HIVEP3: variants seen among roughly 807,000 people sequenced by gnomAD.
The protein encoded by HIVEP3 is HIVEP zinc finger 3, also known as transcription factor HIVEP3.
In HIVEP3, 49 loss-of-function variants were observed where a neutral mutation model predicts 152.8. That is an observed-to-expected ratio of 0.32 (90% CI 0.26 to 0.41). The LOEUF (loss-of-function observed/expected upper bound fraction) is 0.41, where lower values mean the gene tolerates loss of function less well. Among genes scored for constraint, HIVEP3 ranks in the 10% least tolerant of loss-of-function variants. The pLI is 1.00. For missense variants in HIVEP3, 2,790 were observed against 3,103.3 expected (o/e 0.90, Z 2.40); for synonymous variants, 1,269 against 1,289.0 (o/e 0.98, Z 0.33).
rs545937604 is a variant in HIVEP3 at position 41,774,772 on chromosome 1, T to TTTTTTTTATTTA, written c.-800-73778_-800-73777insTAAATAAAAAAA. Among the ~76,000 whole-genome samples, 32 of 143,788 alleles carry TTTTTTTTATTTA rather than the reference T, an allele frequency of 2.2e-4. No homozygotes were observed. The East Asian group carries it at 3.9e-3, about 17-fold the overall frequency. 94.3% of individuals were successfully genotyped at this position (143,788 alleles called of 152,430 possible). On this transcript the variant is annotated intron_variant, in intron 1 of 8. Coordinates refer to ENST00000372583, the MANE Select transcript of HIVEP3 (RefSeq NM_024503.5). ...CTTAAGTTTTCACAAGCATCTTTTA[T>TTTTTTTTATTTA]TTTATTTATTTATTTATTTATTTAT...
chr1:41,764,156 A>G lies in HIVEP3; in HGVS notation c.-800-63161T>C, dbSNP rs1020470708. ...AGAAGGGACTCTGAATACCCCAGGG[A>G]TGTGTGGGGAATGTGCACAAAACTG... is the stretch of plus-strand genomic sequence containing the variant. On this transcript the variant is annotated intron_variant, in intron 1 of 8. Coordinates refer to ENST00000372583, the MANE Select transcript of HIVEP3 (RefSeq NM_024503.5). Among the ~76,000 whole-genome samples, 3 of 152,110 alleles carry G rather than the reference A, an allele frequency of 2.0e-5. No individual in the cohort carries two copies. The South Asian group carries it at 6.2e-4, about 32-fold the overall frequency.
chr1:41,524,004 A>C (rs1161039071), intron 6 of HIVEP3, among the ~76,000 whole-genome samples: 7 of 152,204 alleles, frequency 4.6e-5, no homozygotes, highest in Non-Finnish European at 7.4e-5. Flanking sequence ...TGTCCACACC[A>C]GGGGCCTGGC....
intron 1 of HIVEP3, among the ~76,000 whole-genome samples, chr1:41,788,718 A>G (rs551035677): frequency 5.2e-4 from 79 of 152,364 alleles, no homozygotes; most frequent in African/African-American, 1.8e-3. Flanking sequence ...GAAAGCTGGG[A>G]ATGGTAAATC....
At chr1:41,797,717 G>A (rs1050756356) in intron 1 of HIVEP3, among the ~76,000 whole-genome samples, 1 of 152,160 alleles carries the variant, frequency 6.6e-6, no homozygotes, top group Non-Finnish European at 1.5e-5. Flanking sequence ...GGTCAGGCAC[G>A]GTGGCTCATG....
In HIVEP3 at chr1:41,635,476, C is replaced by CTATA. The variant is rs371690921; in HGVS notation, c.-720-6533_-720-6530dup. 2.2e-3 allele frequency among the ~76,000 whole-genome samples: 294 copies of CTATA among 131,584 alleles called. 26 individuals are homozygous for CTATA. Among genetic ancestry groups the CTATA allele is most frequent in the African/African-American group, 6.0e-3 (215 of 35,732 alleles). 86.3% of individuals were successfully genotyped at this position (131,584 alleles called of 152,430 possible). Reference sequence around the variant, plus strand: ...AGTGAGAAAATGACAGCAACCACAACTATATATATATATACACACACATAT... The same window carrying CTATA: ...AGTGAGAAAATGACAGCAACCACAACTATATATATATATATATACACACACATAT... On this transcript the variant is annotated intron_variant, in intron 2 of 8. Transcript: ENST00000372583.
chr1:41,666,421 C>T (rs1458332358), intron 2 of HIVEP3, among the ~76,000 whole-genome samples: 1 of 152,152 alleles, frequency 6.6e-6, no homozygotes, highest in East Asian at 1.9e-4. Flanking sequence ...TACTGTGTCA[C>T]CTTGGGCATG....
chr1:41,700,734 AG>A (rs1453067724), intron 2 of HIVEP3, among the ~76,000 whole-genome samples, 181 bp downstream of exon 2: 1 of 152,250 alleles, frequency 6.6e-6, no homozygotes, highest in Non-Finnish European at 1.5e-5. Context: ...CAGAAATGCC[AG>A]CTGCAGGACT....
intron 1 of HIVEP3, among the ~76,000 whole-genome samples, chr1:42,013,329 C>A (rs1645503901): frequency 6.6e-6 from 1 of 152,186 alleles, no homozygotes; most frequent in African/African-American, 2.4e-5. Context: ...TTCTGAGATA[C>A]TAGAAGTTAA....
At chr1:41,937,275 G>A (rs1645024452) in intron 1 of HIVEP3, among the ~76,000 whole-genome samples, 1 of 152,092 alleles carries the variant, frequency 6.6e-6, no homozygotes, top group African/African-American at 2.4e-5. Flanking sequence ...CTGCAGTCCT[G>A]GGGTACAGCA....
intron 1 of HIVEP3, among the ~76,000 whole-genome samples, chr1:41,815,316 A>G (rs2124333746): frequency 6.6e-6 from 1 of 152,236 alleles, no homozygotes; most frequent in East Asian, 1.9e-4. Flanking sequence ...TCTACAAAAA[A>G]TAAAAATTAG....
chr1:41,583,051 G>A lies in HIVEP3; in HGVS notation c.1747C>T (p.His583Tyr), dbSNP rs755811869. Residue 583 changes from histidine to tyrosine, a missense_variant, in exon 4 of 9, where the codon CAC becomes TAC. His to Tyr is a moderately conservative substitution (Grantham distance 83). This residue lies in a region of HIVEP3 where 339 missense variants were observed against 327.0 expected (regional missense o/e 1.04). Transcript: ENST00000372583. This position sits in a 1 kb window ranked among gnomAD's most constrained non-coding sequence, Gnocchi z 6.9. Reference sequence around the variant, plus strand: ...GGCTGGCGCTTCAGCATCCGGGGGTGGGAGGTAAACACGTGACTGCTGTGG... The same window carrying A: ...GGCTGGCGCTTCAGCATCCGGGGGTAGGAGGTAAACACGTGACTGCTGTGG... ...LSHSSHVFTS[H>Y]PRMLKRQPAI... 6.2e-7 allele frequency: 1 copy of A among 1,613,858 alleles called. No homozygotes were observed. Among genetic ancestry groups the A allele is most frequent in the South Asian group, 1.1e-5 (1 of 91,064 alleles).
At chr1:41,695,155 A>T (rs781146239) in intron 2 of HIVEP3, among the ~76,000 whole-genome samples, 1 of 152,182 alleles carries the variant, frequency 6.6e-6, no homozygotes, top group Non-Finnish European at 1.5e-5. Context: ...TCACACAGGC[A>T]TTATTGTTGC....
At chr1:41,725,408 T>C (rs1381072802) in intron 1 of HIVEP3, among the ~76,000 whole-genome samples, 1 of 152,294 alleles carries the variant, frequency 6.6e-6, no homozygotes, top group Non-Finnish European at 1.5e-5. Context: ...TGAATTATGT[T>C]AGAGCCCAGG....
chr1:41,854,266 TG>T (rs1299075806), intron 1 of HIVEP3, among the ~76,000 whole-genome samples: 8 of 152,044 alleles, frequency 5.3e-5, no homozygotes, highest in African/African-American at 1.9e-4. Flanking sequence ...CAGCAGGCGC[TG>T]GGGAAGGGAG....
At chr1:42,019,145 T>C (rs919343807) in intron 1 of HIVEP3, among the ~76,000 whole-genome samples, 2 of 152,064 alleles carry the variant, frequency 1.3e-5, no homozygotes, top group East Asian at 3.8e-4. Flanking sequence ...TACAATAGCT[T>C]TATAATAATT....
At chr1:41,545,470 CCAACACCACTACCACCAG>C (rs1643749166) in intron 5 of HIVEP3, among the ~76,000 whole-genome samples, 1 of 143,178 alleles carries the variant, frequency 7.0e-6, no homozygotes, top group Admixed American at 6.8e-5. Flanking sequence ...ATCACCACCA[CCAACACCACTACCACCAG>C]CATCACCACC....
intron 1 of HIVEP3, among the ~76,000 whole-genome samples, chr1:42,027,500 G>A (rs1221717240): frequency 1.3e-5 from 2 of 152,114 alleles, no homozygotes; most frequent in South Asian, 4.1e-4. Context: ...TAACTGTGAG[G>A]CCCTGCATTC....
Position 41,582,547 on chromosome 1 carries a change from G to C in HIVEP3, c.2251C>G (p.Leu751Val), listed in dbSNP as rs755201711. The C allele has an allele frequency of 1.4e-5, 23 of 1,611,744 alleles. No homozygotes were observed. The highest frequency in any genetic ancestry group is 2.0e-5 in the Non-Finnish European group (23 of 1,178,558). Residue 751 changes from leucine (L) to valine (V), a missense_variant, in exon 4 of 9, where the codon CTG (leucine) becomes GTG (valine). Physicochemically the swap from Leu to Val is conservative, Grantham distance 32 (BLOSUM62 1). Transcript: ENST00000372583. This position sits in a 1 kb window ranked among gnomAD's most constrained non-coding sequence, Gnocchi z 4.7. ...GPSDAARNLP[L>V]ESTKSPAEPS... ...TCTGCTGGTGACTTGGTGGACTCCA[G>C]GGGAAGGTTCCGAGCAGCATCAGAT...
chr1:41,729,519 C>T (rs911271476), intron 1 of HIVEP3, among the ~76,000 whole-genome samples: 2 of 152,208 alleles, frequency 1.3e-5, no homozygotes, highest in Admixed American at 1.3e-4. Context: ...ATATCCGTCA[C>T]TGACCTTTTT....
Sources: gnomAD v4.1 joint callset for allele counts (sites outside exome capture counted in the v4.1 genomes callset) on GRCh38, gnomAD v4.1.1 for gene constraint, gnomAD v4.1.1 regional missense constraint, Gnocchi (gnomAD v3.1) non-coding constraint, MANE v1.5 for transcripts, NCBI Gene and HGNC (gene_info 2026-07-23, HGNC 2026-07-21) for gene names.